Variants in THRB observed in about 807,000 individuals in gnomAD.
The protein encoded by THRB is thyroid hormone receptor beta.
THRB carries 12 observed loss-of-function variants against 47.8 expected under a neutral mutation model. That is an observed-to-expected ratio of 0.25 (90% CI 0.16 to 0.41). THRB has a LOEUF of 0.41. Ranked by LOEUF, THRB falls within the 10% of genes least tolerant of loss-of-function variation. THRB has a pLI of 1.00. For missense variants in THRB, 348 were observed against 589.2 expected (o/e 0.59, Z 4.24); for synonymous variants, 218 against 212.2 (o/e 1.03, Z -0.24).
rs2148760730 is a variant in THRB, at chr3:24,120,296, T to G, written c.*2588A>C. The G allele has an allele frequency of 6.6e-6, 1 of 152,302 alleles. No individual in the cohort carries two copies. The highest frequency in any genetic ancestry group is 2.1e-4 in the South Asian group (1 of 4,794). 9.4% of individuals were successfully genotyped at this position (152,302 alleles called of 1,614,324 possible). A position where few individuals can be genotyped will look rare whatever the true frequency, so the allele number is the denominator to read the frequency against. On this transcript the variant is annotated 3_prime_UTR_variant, in exon 11 of 11. Coordinates refer to ENST00000646209, the MANE Select transcript of THRB (RefSeq NM_001354712.2). ...GAGATTTCCAGACCAGCAGTTTGCC[T>G]ATTGAAGGCAATCAATCATTTAAGG...
intron 3 of THRB, among the ~76,000 whole-genome samples, chr3:24,260,570 G>A (rs1047504933): frequency 1.3e-5 from 2 of 152,094 alleles, no homozygotes; most frequent in Admixed American, 6.5e-5. Context: ...GCTCATCACT[G>A]GAGAAAAAGA....
chr3:24,185,643 G>T (rs1575683122), intron 5 of THRB, among the ~76,000 whole-genome samples: 1 of 152,142 alleles, frequency 6.6e-6, no homozygotes. Context: ...AGGTGGGTGA[G>T]TCCCTGCCTT....
intron 4 of THRB, among the ~76,000 whole-genome samples, chr3:24,197,709 T>C (rs2044119943): frequency 6.6e-6 from 1 of 152,236 alleles, no homozygotes; most frequent in African/African-American, 2.4e-5. Context: ...TAGGAATTTC[T>C]ATTTACTGAG....
intron 3 of THRB, among the ~76,000 whole-genome samples, chr3:24,290,231 G>A (rs548220844): frequency 2.0e-5 from 3 of 152,108 alleles, no homozygotes; most frequent in Non-Finnish European, 1.5e-5. Flanking sequence ...AAGGGGTGGG[G>A]TTGGGGGGAT....
intron 5 of THRB, among the ~76,000 whole-genome samples, chr3:24,168,729 C>A (rs2040016261): frequency 6.6e-6 from 1 of 151,540 alleles, no homozygotes; most frequent in African/African-American, 2.4e-5. Flanking sequence ...TACATATTTC[C>A]CTTAGTTCTT....
At chr3:24,479,047 C>T (rs887379627) in intron 1 of THRB, among the ~76,000 whole-genome samples, 1 of 152,124 alleles carries the variant, frequency 6.6e-6, no homozygotes, top group South Asian at 2.1e-4. Context: ...GCCTGTAATC[C>T]CAGCACTTTG....
At chr3:24,227,136 T>A (rs1249913748) in intron 4 of THRB, among the ~76,000 whole-genome samples, 1 of 152,246 alleles carries the variant, frequency 6.6e-6, no homozygotes, top group Admixed American at 6.5e-5. Flanking sequence ...CTTTGGACAC[T>A]TTTTCAGGTG....
chr3:24,350,462 T>C (rs2063291997), intron 1 of THRB, among the ~76,000 whole-genome samples: 1 of 152,124 alleles, frequency 6.6e-6, no homozygotes, highest in African/African-American at 2.4e-5. Context: ...TCATCAATAG[T>C]AGAACAGATT....
intron 3 of THRB, among the ~76,000 whole-genome samples, chr3:24,268,443 T>C (rs2052893860): frequency 6.6e-6 from 1 of 152,200 alleles, no homozygotes; most frequent in Non-Finnish European, 1.5e-5. Context: ...GTTGAAACAG[T>C]AGATTAAAAA....
intron 3 of THRB, among the ~76,000 whole-genome samples, chr3:24,280,493 A>G (rs2054446671): frequency 1.3e-5 from 2 of 152,252 alleles, no homozygotes; most frequent in African/African-American, 4.8e-5. Flanking sequence ...GGGAAAAAAC[A>G]GAGCAGAAAA....
chr3:24,222,636 C>G (rs572477434), intron 4 of THRB, among the ~76,000 whole-genome samples: 3 of 152,186 alleles, frequency 2.0e-5, no homozygotes, highest in Non-Finnish European at 2.9e-5. Flanking sequence ...AGCCTCCCTT[C>G]TGCCCTCAAG....
intron 4 of THRB, among the ~76,000 whole-genome samples, chr3:24,221,207 T>G (rs1277385755): frequency 2.0e-5 from 3 of 152,216 alleles, no homozygotes; most frequent in African/African-American, 7.2e-5. Flanking sequence ...AACTCTTGGC[T>G]CATTGCAAAC....
chr3:24,351,432 G>A (rs558942741), intron 1 of THRB, among the ~76,000 whole-genome samples: 2 of 152,194 alleles, frequency 1.3e-5, no homozygotes, highest in South Asian at 2.1e-4. Context: ...GTGTTGCAAC[G>A]AAGTTTGAAA....
At chr3:24,218,181 T>G (rs1264387759) in intron 4 of THRB, among the ~76,000 whole-genome samples, 2 of 151,780 alleles carry the variant, frequency 1.3e-5, no homozygotes, top group East Asian at 3.9e-4. Context: ...GGCAGGAGAA[T>G]GGCTTGAACC....
intron 3 of THRB, among the ~76,000 whole-genome samples, chr3:24,245,903 ACT>A (rs1182471962): frequency 1.3e-5 from 2 of 150,696 alleles, no homozygotes; most frequent in East Asian, 1.9e-4. Context: ...ACAGAGCGAG[ACT>A]CTGTCACAAA....
intron 4 of THRB, among the ~76,000 whole-genome samples, chr3:24,191,232 G>A (rs184797278): frequency 1.4e-5 from 2 of 143,348 alleles, no homozygotes; most frequent in East Asian, 2.0e-4. Context: ...TGGATATAGA[G>A]AGCAAAAATG....
rs546232875 is a variant in THRB, at chr3:24,326,499, G to A, written c.-189+10801C>T. ...GATCCACCTGCCTCGGCCTCCCAAAGTGCTGGGATTACAGGCATGAGTCAC... is the reference window on the plus strand; with the variant it reads ...GATCCACCTGCCTCGGCCTCCCAAAATGCTGGGATTACAGGCATGAGTCAC... On this transcript the variant is annotated intron_variant, in intron 2 of 10. Coordinates refer to ENST00000646209, the MANE Select transcript of THRB (RefSeq NM_001354712.2). 1.1e-4 allele frequency among the ~76,000 whole-genome samples: 17 copies of A among 152,230 alleles called. No homozygotes were observed. The South Asian group carries it at 2.5e-3, about 22-fold the overall frequency.
At chr3:24,480,055 G>A (rs1333610988) in intron 1 of THRB, among the ~76,000 whole-genome samples, 1 of 152,160 alleles carries the variant, frequency 6.6e-6, no homozygotes. Context: ...AGCTCCAGGT[G>A]CCCACAATGC....
Position 24,117,858 on chromosome 3 carries a change from T to C in THRB, c.*5026A>G, listed in dbSNP as rs1329237056. 6.6e-6 allele frequency: 1 copy of C among 152,212 alleles called. No individual in the cohort carries two copies. The highest frequency in any genetic ancestry group is 1.5e-5 in the Non-Finnish European group (1 of 68,042). The allele number at this position is 152,212 out of a possible 1,614,324, so 9.4% of individuals were successfully genotyped here. On this transcript the variant is annotated 3_prime_UTR_variant, in exon 11 of 11. Coordinates refer to ENST00000646209, the MANE Select transcript of THRB (RefSeq NM_001354712.2). Reference sequence around the variant, plus strand: ...TAACATGTGTTCAGGGCAACAGAGATTGAGATATATGTTGGCAGCTGATGT... The same window carrying C: ...TAACATGTGTTCAGGGCAACAGAGACTGAGATATATGTTGGCAGCTGATGT...
Sources: gnomAD v4.1 joint callset for allele counts (sites outside exome capture counted in the v4.1 genomes callset) on GRCh38, gnomAD v4.1.1 for gene constraint, MANE v1.5 for transcripts, NCBI Gene and HGNC (gene_info 2026-07-23, HGNC 2026-07-21) for gene names.